Variants in QTMAN observed in about 807,000 individuals in gnomAD.
QTMAN encodes queuosine-tRNA mannosyltransferase, also known as tRNA-queuosine alpha-mannosyltransferase.
the QTMAN span, chr2:144,178,746 C>T: frequency 3.4e-6 from 1 of 296,482 alleles, no homozygotes; most frequent in Non-Finnish European, 6.6e-6. Context: ...AGAAAAGAAA[C>T]TCCAGGATGT....
At chr2:144,167,378 G>A in the QTMAN span, among the ~76,000 whole-genome samples, 1 of 152,136 alleles carries the variant, frequency 6.6e-6, no homozygotes, top group African/African-American at 2.4e-5. Flanking sequence ...CCAACCAGAA[G>A]TAACTACTTG....
the QTMAN span, among the ~76,000 whole-genome samples, chr2:143,971,529 A>G: frequency 6.6e-6 from 1 of 152,140 alleles, no homozygotes; most frequent in Non-Finnish European, 1.5e-5. Context: ...AAAGGACACT[A>G]ACATTTTTAA....
the QTMAN span, among the ~76,000 whole-genome samples, chr2:144,118,327 T>G: frequency 2.0e-5 from 3 of 152,290 alleles, no homozygotes; most frequent in Admixed American, 6.5e-5. Context: ...AGTAAGCAAC[T>G]ACTACATCAA....
chr2:144,150,475 GAACT>G, the QTMAN span, among the ~76,000 whole-genome samples: 181 of 152,084 alleles, frequency 1.2e-3, 2 homozygotes, highest in African/African-American at 4.1e-3. Context: ...TACTCCTGAG[GAACT>G]AACTTTTAAA....
chr2:144,231,374 C>G, the QTMAN span, among the ~76,000 whole-genome samples: 1 of 151,960 alleles, frequency 6.6e-6, no homozygotes, highest in Non-Finnish European at 1.5e-5. Context: ...ATAGTAAAAT[C>G]CTAGTTAAAA....
At chr2:144,010,503 A>G in the QTMAN span, among the ~76,000 whole-genome samples, 2 of 152,114 alleles carry the variant, frequency 1.3e-5, no homozygotes, top group Admixed American at 6.6e-5. Flanking sequence ...AGAAAACACC[A>G]TTTAGACCAT....
the QTMAN span, among the ~76,000 whole-genome samples, chr2:144,286,125 C>T: frequency 6.6e-6 from 1 of 152,142 alleles, no homozygotes; most frequent in Non-Finnish European, 1.5e-5. Context: ...ATGTTCTAAC[C>T]AGTATCCAAC....
the QTMAN span, among the ~76,000 whole-genome samples, chr2:144,281,866 T>G: frequency 1.9e-3 from 285 of 152,312 alleles, no homozygotes; most frequent in African/African-American, 6.1e-3. Flanking sequence ...TTTTCTTAAC[T>G]TTTATTTTAG....
the QTMAN span, among the ~76,000 whole-genome samples, chr2:144,162,636 G>C: frequency 6.6e-6 from 1 of 152,152 alleles, no homozygotes; most frequent in Admixed American, 6.6e-5. Flanking sequence ...ATAAGGGAAA[G>C]AGCAGCAAAG....
At chr2:144,213,874 C>T in the QTMAN span, among the ~76,000 whole-genome samples, 8 of 152,136 alleles carry the variant, frequency 5.3e-5, no homozygotes, top group Non-Finnish European at 1.2e-4. Context: ...TATTTTCTTA[C>T]TGACCCTTTC....
chr2:144,105,483 C>A, the QTMAN span, among the ~76,000 whole-genome samples: 1 of 152,136 alleles, frequency 6.6e-6, no homozygotes, highest in Non-Finnish European at 1.5e-5. Flanking sequence ...CCGATTCAAT[C>A]AACTGGAAGA....
the QTMAN span, among the ~76,000 whole-genome samples, chr2:144,213,273 G>A: frequency 6.6e-6 from 1 of 152,024 alleles, no homozygotes; most frequent in Admixed American, 6.6e-5. Context: ...CATTTTCAAG[G>A]TGAACTACAT....
the QTMAN span, among the ~76,000 whole-genome samples, chr2:144,001,049 T>C: frequency 6.6e-6 from 1 of 151,994 alleles, no homozygotes; most frequent in Non-Finnish European, 1.5e-5. Flanking sequence ...ACCATACTTT[T>C]CCTAAGTTAT....
chr2:144,159,776 T>C, the QTMAN span, among the ~76,000 whole-genome samples: 1 of 152,004 alleles, frequency 6.6e-6, no homozygotes, highest in South Asian at 2.1e-4. Flanking sequence ...AATACTCAAT[T>C]TGAAAACAAA....
chr2:144,195,119 A>C, the QTMAN span, among the ~76,000 whole-genome samples: 2 of 152,114 alleles, frequency 1.3e-5, no homozygotes, highest in African/African-American at 4.8e-5. Flanking sequence ...AATATCCTGA[A>C]TTCTCCCAAG....
chr2:144,100,101 G>A, the QTMAN span, among the ~76,000 whole-genome samples: 1 of 152,152 alleles, frequency 6.6e-6, no homozygotes, highest in Non-Finnish European at 1.5e-5. Flanking sequence ...TGACGCTAAT[G>A]CTCCCTGAAA....
chr2:144,281,993 C>T, the QTMAN span, among the ~76,000 whole-genome samples: 18 of 152,076 alleles, frequency 1.2e-4, no homozygotes, highest in Non-Finnish European at 1.6e-4. Flanking sequence ...AAGAATCACC[C>T]GGAAGGCTTG....
chr2:144,179,631 G>A, the QTMAN span, among the ~76,000 whole-genome samples: 1 of 152,106 alleles, frequency 6.6e-6, no homozygotes, highest in Non-Finnish European at 1.5e-5. Context: ...TATGATACCG[G>A]GCTCACCTCA....
At chr2:144,287,212 G>A in the QTMAN span, among the ~76,000 whole-genome samples, 17 of 152,194 alleles carry the variant, frequency 1.1e-4, no homozygotes, top group African/African-American at 2.6e-4. Context: ...CAAAGCGGGC[G>A]GATCACAAGG....
Sources: allele counts gnomAD v4.1 joint callset (sites outside exome capture counted in the v4.1 genomes callset), GRCh38; gene constraint gnomAD v4.1.1; transcripts MANE v1.5; gene names NCBI Gene and HGNC (gene_info 2026-07-23, HGNC 2026-07-21).